Variants in AFAP1L1 observed in about 807,000 individuals in gnomAD.
AFAP1L1 encodes the protein actin filament associated protein 1 like 1.
AFAP1L1 carries 77 observed loss-of-function variants against 99.8 expected under a neutral mutation model. That is an observed-to-expected ratio of 0.77 (90% CI 0.64 to 0.93). The LOEUF (loss-of-function observed/expected upper bound fraction) is 0.93. Among genes scored for constraint, AFAP1L1 ranks in the 40% least tolerant of loss-of-function variants. The pLI, the probability that AFAP1L1 is intolerant of heterozygous loss-of-function variation, is 0.00. For synonymous variants in AFAP1L1, 373 were observed against 395.3 expected (o/e 0.94, Z 0.67); for missense variants, 893 against 996.8 (o/e 0.90, Z 1.40).
chr5:149,330,950 TA>T (rs1472965775), intron 16 of AFAP1L1, among the ~76,000 whole-genome samples: 1 of 152,168 alleles, frequency 6.6e-6, no homozygotes, highest in Admixed American at 6.5e-5. Flanking sequence ...ATTTTTGCAT[TA>T]AAATTTTTTT....
At chr5:149,338,663 C>T (rs1382724723) in intron 18 of AFAP1L1, among the ~76,000 whole-genome samples, 1 of 152,180 alleles carries the variant, frequency 6.6e-6, no homozygotes, top group Non-Finnish European at 1.5e-5. Context: ...TCCCTGGTCT[C>T]ATAGAGTTGG....
chr5:149,315,858 G>T lies in AFAP1L1; in HGVS notation c.1058G>T (p.Ser353Ile). Residue 353 changes from serine (S) to isoleucine (I), a missense_variant, in exon 10 of 19, where the codon AGC (serine) becomes ATC (isoleucine). Physicochemically the swap from Ser to Ile is moderately radical, Grantham distance 142 (BLOSUM62 -2). Coordinates refer to ENST00000296721, the MANE Select transcript of AFAP1L1 (RefSeq NM_152406.4). ...GAGAAGCAGACCTCAGATTCTGACA[G>T]CGTGGGTGTGGGTGACAACTGTTCT... ...SQEKQTSDSD[S>I]VGVGDNCSTL... 6.2e-7 allele frequency: 1 copy of T among 1,614,194 alleles called. No individual in the cohort carries two copies. Among genetic ancestry groups the T allele is most frequent in the Non-Finnish European group, 8.5e-7 (1 of 1,180,042 alleles).
chr5:149,316,646 G>C, intron 11 of AFAP1L1, among the ~76,000 whole-genome samples: 1 of 152,116 alleles, frequency 6.6e-6, no homozygotes, highest in Non-Finnish European at 1.5e-5. Context: ...CATAGAACGT[G>C]CCAGGTTTAT....
chr5:149,304,711 C>T (rs1309573732), intron 5 of AFAP1L1, among the ~76,000 whole-genome samples: 1 of 152,212 alleles, frequency 6.6e-6, no homozygotes, highest in African/African-American at 2.4e-5. Flanking sequence ...CCTCACCCTT[C>T]CCTACTTCAC....
intron 1 of AFAP1L1, 75 bp from the exon 2 acceptor site, chr5:149,299,434 G>C (rs753354564): frequency 2.7e-5 from 43 of 1,581,170 alleles, no homozygotes; most frequent in Admixed American, 1.4e-4. Context: ...AACTCTAGGT[G>C]GTGGGGGGCC....
At chr5:149,289,725 G>T (rs1339489990) in intron 1 of AFAP1L1, among the ~76,000 whole-genome samples, 2 of 152,222 alleles carry the variant, frequency 1.3e-5, no homozygotes, top group Non-Finnish European at 2.9e-5. Flanking sequence ...AGGGGAAGGA[G>T]AGATTTCTCA....
intron 1 of AFAP1L1, among the ~76,000 whole-genome samples, chr5:149,280,295 C>A (rs1400101385): frequency 6.6e-6 from 1 of 152,264 alleles, no homozygotes; most frequent in East Asian, 1.9e-4. Context: ...CCTGTTGCCT[C>A]GGATAGGAGC....
intron 4 of AFAP1L1, among the ~76,000 whole-genome samples, chr5:149,301,718 A>G (rs1166919544): frequency 6.6e-6 from 1 of 152,192 alleles, no homozygotes; most frequent in Non-Finnish European, 1.5e-5. Flanking sequence ...TGGACCAGAT[A>G]TAGGATGCGC....
chr5:149,321,923 C>T (rs370982518), intron 14 of AFAP1L1, among the ~76,000 whole-genome samples: 15 of 150,228 alleles, frequency 1.0e-4, no homozygotes, highest in East Asian at 4.0e-4. Flanking sequence ...CCCAACTACT[C>T]GGGAGGCTGA....
intron 2 of AFAP1L1, 49 bp downstream of exon 2, chr5:149,299,686 C>A: frequency 6.2e-7 from 1 of 1,611,194 alleles, no homozygotes; most frequent in Non-Finnish European, 8.5e-7. Flanking sequence ...TGTAGGACAA[C>A]AAAACCTCCC....
chr5:149,312,088 C>T, intron 8 of AFAP1L1, 24 bp from the exon 9 acceptor site: 1 of 1,607,748 alleles, frequency 6.2e-7, no homozygotes, highest in Non-Finnish European at 8.5e-7. Context: ...CCCACCCGTT[C>T]ACAGCTGTGT....
chr5:149,339,589 T>C (rs1757503844), intron 18 of AFAP1L1, among the ~76,000 whole-genome samples: 1 of 152,152 alleles, frequency 6.6e-6, no homozygotes, highest in South Asian at 2.1e-4. Context: ...TCCAAACATT[T>C]AGAAATAGGA....
chr5:149,295,709 A>G (rs952334894), intron 1 of AFAP1L1, among the ~76,000 whole-genome samples: 8 of 152,232 alleles, frequency 5.3e-5, no homozygotes, highest in African/African-American at 1.9e-4. Context: ...TTAGTCGTTC[A>G]TTGGCGGGGG....
At chr5:149,332,213 A>G (rs1198057968) in intron 16 of AFAP1L1, among the ~76,000 whole-genome samples, 2 of 152,232 alleles carry the variant, frequency 1.3e-5, no homozygotes, top group Non-Finnish European at 2.9e-5. Context: ...CCTGGCCAAC[A>G]TGGCAAAACC....
chr5:149,307,544 C>T lies in AFAP1L1; in HGVS notation c.678C>T (p.Phe226=), dbSNP rs1561672592. The change falls in exon 7 of 19, where the codon TTC becomes TTT. Residue 226 remains phenylalanine, a synonymous_variant. Transcript: ENST00000296721. ...TGAGGGAATGCAGGATATGTGCCTT[C>T]CTGCTGCGGAAAAAGCGTTTCGGGC... ...HLVRECRICA[F]LLRKKRFGQW... is the part of the protein sequence containing the mutation. 3 of 1,614,010 alleles carry T rather than the reference C, an allele frequency of 1.9e-6. No homozygotes were observed. The highest frequency in any genetic ancestry group is 2.5e-6 in the Non-Finnish European group (3 of 1,180,022).
intron 15 of AFAP1L1, among the ~76,000 whole-genome samples, chr5:149,323,102 CT>C (rs1434664522): frequency 1.3e-5 from 2 of 152,138 alleles, no homozygotes; most frequent in African/African-American, 4.8e-5. Flanking sequence ...GTGAAGTCTA[CT>C]TATTTTTTAA....
chr5:149,325,210 G>A (rs2127601617), intron 15 of AFAP1L1, among the ~76,000 whole-genome samples: 1 of 152,302 alleles, frequency 6.6e-6, no homozygotes, highest in Non-Finnish European at 1.5e-5. Context: ...CTAAATCTTA[G>A]TAAGAACAGT....
chr5:149,306,463 GC>G, intron 6 of AFAP1L1, 59 bp downstream of exon 6: 1 of 1,480,540 alleles, frequency 6.8e-7, no homozygotes, highest in Non-Finnish European at 9.2e-7. Flanking sequence ...CAAAGAGCAG[GC>G]CTTGTCCTGG....
chr5:149,338,935 G>T (rs11743308), intron 18 of AFAP1L1, among the ~76,000 whole-genome samples: 27,360 of 152,174 alleles, frequency 0.18, 2,893 homozygotes, highest in Middle Eastern at 0.39. Flanking sequence ...AGATCCAGGT[G>T]ATTCCAGTGA....
Sources: gnomAD v4.1 joint callset for allele counts (sites outside exome capture counted in the v4.1 genomes callset) on GRCh38, gnomAD v4.1.1 for gene constraint, MANE v1.5 for transcripts, NCBI Gene and HGNC (gene_info 2026-07-23, HGNC 2026-07-21) for gene names.